WDR7: variants seen among roughly 807,000 people sequenced by gnomAD.
The protein encoded by WDR7 is WD repeat domain 7.
A neutral mutation model predicts 169.4 loss-of-function variants in WDR7; 46 were observed. The observed-to-expected ratio is 0.27, with a 90% CI of 0.21 to 0.35. The LOEUF (loss-of-function observed/expected upper bound fraction) is 0.35. WDR7 is among the 10% of genes least tolerant of loss of function. The pLI is 1.00. For synonymous variants in WDR7, 612 were observed against 666.8 expected (o/e 0.92, Z 1.27); for missense variants, 1,534 against 1,859.3 (o/e 0.83, Z 3.22).
chr18:56,664,907 T>C (rs1380081492), intron 1 of WDR7, among the ~76,000 whole-genome samples: 1 of 152,158 alleles, frequency 6.6e-6, no homozygotes, highest in Non-Finnish European at 1.5e-5. Flanking sequence ...AGCTAGCATT[T>C]GAAAATATTA....
At position 56,731,507 on chromosome 18, in the gene WDR7, G is replaced by A. The variant is rs186020002; in HGVS notation, c.1899G>A (p.Thr633=). 2.6e-4 allele frequency: 412 copies of A among 1,614,074 alleles called. No individual in the cohort carries two copies. The highest frequency in any genetic ancestry group is 1.1e-3 in the African/African-American group (79 of 75,018). Residue 633 remains threonine (T), a synonymous_variant, in exon 14 of 28, where the codon ACG becomes ACA. Coordinates refer to ENST00000254442, the MANE Select transcript of WDR7 (RefSeq NM_015285.3). The part of the protein sequence containing the change: ...HPAVNLKQAM[T]RRSLAALKNM... ...CAGTCAACCTAAAACAAGCTATGAC[G>A]AGACGTAGTCTTGCTGCTCTTAAAA...
At chr18:56,878,081 C>T (rs1001160736) in intron 20 of WDR7, among the ~76,000 whole-genome samples, 6 of 152,008 alleles carry the variant, frequency 3.9e-5, no homozygotes, top group East Asian at 1.9e-4. Flanking sequence ...AAGGGTAGAA[C>T]TATGTAAGTC....
intron 19 of WDR7, among the ~76,000 whole-genome samples, chr18:56,786,628 G>C (rs1409253767): frequency 6.6e-6 from 1 of 151,950 alleles, no homozygotes; most frequent in East Asian, 1.9e-4. Flanking sequence ...TCTTGAACCA[G>C]TCAGGAAATA....
At chr18:56,726,094 C>T (rs1377784523) in intron 13 of WDR7, among the ~76,000 whole-genome samples, 1 of 152,188 alleles carries the variant, frequency 6.6e-6, no homozygotes, top group African/African-American at 2.4e-5. Flanking sequence ...AGCATGATGC[C>T]TCCAGCTTTG....
chr18:57,008,490 GC>G (rs1213355747), intron 26 of WDR7, among the ~76,000 whole-genome samples: 2 of 151,998 alleles, frequency 1.3e-5, no homozygotes, highest in African/African-American at 4.8e-5. Context: ...ACCTCTCCTC[GC>G]CCCCTGGTGC....
At chr18:56,722,190 T>C (rs140958719) in intron 13 of WDR7, among the ~76,000 whole-genome samples, 27 of 152,344 alleles carry the variant, frequency 1.8e-4, no homozygotes, top group East Asian at 3.9e-4. Flanking sequence ...GGGGCTCAGA[T>C]TGTCATACAA....
At chr18:56,876,651 CA>C (rs1008596842) in intron 20 of WDR7, among the ~76,000 whole-genome samples, 1 of 151,772 alleles carries the variant, frequency 6.6e-6, no homozygotes, top group African/African-American at 2.4e-5. Context: ...CATTGCTACT[CA>C]GAAAAAAATT....
intron 16 of WDR7, among the ~76,000 whole-genome samples, chr18:56,764,016 T>A (rs1228050531): frequency 1.3e-5 from 2 of 152,088 alleles, no homozygotes; most frequent in Non-Finnish European, 2.9e-5. Context: ...CTTCTATTCA[T>A]TGATATCTAT....
chr18:56,790,689 A>G (rs2044470601), intron 19 of WDR7, among the ~76,000 whole-genome samples: 1 of 151,640 alleles, frequency 6.6e-6, no homozygotes, highest in African/African-American at 2.4e-5. Flanking sequence ...ATTTTTCCTT[A>G]GTGATATTGT....
intron 18 of WDR7, among the ~76,000 whole-genome samples, chr18:56,780,996 A>T (rs1287124111): frequency 6.6e-6 from 1 of 152,244 alleles, no homozygotes; most frequent in African/African-American, 2.4e-5. Context: ...TTATACAGGA[A>T]TATTTATTTG....
intron 20 of WDR7, among the ~76,000 whole-genome samples, chr18:56,827,757 C>T (rs1463169168): frequency 6.6e-6 from 1 of 151,960 alleles, no homozygotes; most frequent in African/African-American, 2.4e-5. Context: ...ATGGATATTC[C>T]ATTTCCCATG....
chr18:56,958,200 T>C (rs1280937387), intron 25 of WDR7, among the ~76,000 whole-genome samples: 1 of 152,136 alleles, frequency 6.6e-6, no homozygotes, highest in African/African-American at 2.4e-5. Flanking sequence ...TATTTGTGTT[T>C]CAAACTCAAA....
chr18:57,010,425 T>C (rs1029816992), intron 26 of WDR7: 3 of 385,766 alleles, frequency 7.8e-6, no homozygotes, highest in Non-Finnish European at 1.1e-5. Context: ...GGCTGTGTAA[T>C]TATATTTTTA....
At chr18:56,740,758 C>T (rs1158034269) in intron 14 of WDR7, among the ~76,000 whole-genome samples, 1 of 152,134 alleles carries the variant, frequency 6.6e-6, no homozygotes, top group Non-Finnish European at 1.5e-5. Context: ...GCATGAGAAC[C>T]CTGCCAAAAA....
chr18:56,949,130 C>G (rs2047146055), intron 25 of WDR7, among the ~76,000 whole-genome samples: 1 of 128,798 alleles, frequency 7.8e-6, no homozygotes, highest in Non-Finnish European at 1.5e-5. Context: ...TTTCTAAAGT[C>G]TCTCTCTCTC....
chr18:56,892,962 A>G (rs1250757015), intron 21 of WDR7, among the ~76,000 whole-genome samples: 1 of 152,148 alleles, frequency 6.6e-6, no homozygotes, highest in Non-Finnish European at 1.5e-5. Context: ...TATAAGTAAA[A>G]GCAAAATGAG....
At chr18:56,937,950 A>G (rs1487403386) in intron 23 of WDR7, among the ~76,000 whole-genome samples, 2 of 152,238 alleles carry the variant, frequency 1.3e-5, no homozygotes, top group Non-Finnish European at 2.9e-5. Context: ...AGAAAAGAAA[A>G]TGTGAAGAAA....
intron 21 of WDR7, among the ~76,000 whole-genome samples, chr18:56,903,575 A>T (rs2046433340): frequency 6.6e-6 from 1 of 151,976 alleles, no homozygotes; most frequent in African/African-American, 2.4e-5. Flanking sequence ...ATGTGCCACC[A>T]TGCCTGGCTA....
At chr18:56,744,917 T>C (rs980399591) in intron 14 of WDR7, among the ~76,000 whole-genome samples, 1 of 152,096 alleles carries the variant, frequency 6.6e-6, no homozygotes, top group African/African-American at 2.4e-5. Context: ...CAGGACCCAG[T>C]GTGCATGGCC....
Sources: allele counts gnomAD v4.1 joint callset (sites outside exome capture counted in the v4.1 genomes callset), GRCh38; gene constraint gnomAD v4.1.1; transcripts MANE v1.5; gene names NCBI Gene and HGNC (gene_info 2026-07-23, HGNC 2026-07-21).